RPS20: variants seen among roughly 807,000 people sequenced by gnomAD.
The protein encoded by RPS20 is small ribosomal subunit protein uS10.
RPS20 carries 3 observed loss-of-function variants against 15.3 expected under a neutral mutation model. That is an observed-to-expected ratio of 0.20 (90% CI 0.09 to 0.51). The LOEUF (loss-of-function observed/expected upper bound fraction) is 0.51. Ranked by LOEUF, RPS20 falls within the 20% of genes least tolerant of loss-of-function variation. The pLI is 0.96. For synonymous variants in RPS20, 62 were observed against 47.8 expected, an observed-to-expected ratio of 1.30 and a Z score of -1.23; for missense variants, 67 against 145.9, an observed-to-expected ratio of 0.46 and a Z score of 2.79.
downstream of RPS20, chr8:56,072,881 G>T: frequency 3.9e-6 from 5 of 1,294,690 alleles, no homozygotes; most frequent in Non-Finnish European, 4.9e-6. Flanking sequence ...AACCAGTCAG[G>T]TCTCACATAT....
At chr8:56,069,056 TTTAAG>T (rs1226194677), downstream of RPS20, among the ~76,000 whole-genome samples, 1 of 151,498 alleles carries the variant, frequency 6.6e-6, no homozygotes, top group African/African-American at 2.4e-5. Flanking sequence ...GTGAGTTCTT[TTTAAG>T]TTAATGAAGA....
intron 2 of RPS20, 128 bp downstream of exon 2, chr8:56,073,932 A>C (rs562602087): frequency 9.0e-7 from 1 of 1,112,834 alleles, no homozygotes; most frequent in Non-Finnish European, 1.4e-6. Flanking sequence ...ATTTTAAGCC[A>C]CGCTTTACTT....
chr8:56,073,415 G>T, intron 3 of RPS20, 143 bp from the exon 4 acceptor site: 1 of 686,476 alleles, frequency 1.5e-6, no homozygotes, highest in Non-Finnish European at 2.5e-6. Flanking sequence ...CAGGTACCAT[G>T]GGTTGAAAAT....
At chr8:56,070,057 G>A (rs1809708851), downstream of RPS20, among the ~76,000 whole-genome samples, 1 of 152,078 alleles carries the variant, frequency 6.6e-6, no homozygotes, top group Non-Finnish European at 1.5e-5. Flanking sequence ...CTCAATTTTG[G>A]TATTCAAGAG....
downstream of RPS20, among the ~76,000 whole-genome samples, chr8:56,070,084 C>A (rs1042165881): frequency 2.0e-5 from 3 of 152,080 alleles, no homozygotes; most frequent in African/African-American, 7.2e-5. Flanking sequence ...TGAACTGATC[C>A]CCCACAGATA....
At chr8:56,071,239 G>A (rs1809746375), downstream of RPS20, among the ~76,000 whole-genome samples, 1 of 152,094 alleles carries the variant, frequency 6.6e-6, no homozygotes, top group Non-Finnish European at 1.5e-5. Context: ...ATGTTCTCTG[G>A]ACTTTAGTGA....
At chr8:56,072,593 T>C (rs1324751729), downstream of RPS20, among the ~76,000 whole-genome samples, 3 of 143,058 alleles carry the variant, frequency 2.1e-5, no homozygotes, top group Admixed American at 6.8e-5. Flanking sequence ...ATTTAAAATA[T>C]AAAACACTGA....
intron 1 of RPS20, 38 bp downstream of exon 1, chr8:56,074,343 C>A (rs1418633038): frequency 1.3e-6 from 2 of 1,549,270 alleles, no homozygotes; most frequent in Non-Finnish European, 1.7e-6. Flanking sequence ...GGCGCCCGAG[C>A]CCTGCGTTGC....
downstream of RPS20, among the ~76,000 whole-genome samples, chr8:56,070,574 A>G (rs1046721343): frequency 1.4e-5 from 2 of 148,134 alleles, no homozygotes; most frequent in Admixed American, 1.3e-4. Context: ...CATCTCCACA[A>G]AAAAAGCCAG....
chr8:56,072,210 G>A (rs1387907273), downstream of RPS20, among the ~76,000 whole-genome samples: 1 of 152,142 alleles, frequency 6.6e-6, no homozygotes, highest in African/African-American at 2.4e-5. Context: ...CTGGACTGCA[G>A]AGACCCTGTC....
chr8:56,069,853 A>C (rs1215224315), downstream of RPS20: 1 of 1,341,970 alleles, frequency 7.5e-7, no homozygotes, highest in South Asian at 1.3e-5. Flanking sequence ...AAAAGTATTC[A>C]GAAAAAAAAT....
At chr8:56,073,593 G>A (rs952021170) in intron 3 of RPS20, 102 bp downstream of exon 3, 14 of 900,138 alleles carry the variant, frequency 1.6e-5, no homozygotes, top group South Asian at 1.3e-4. Context: ...TTTGTAGACA[G>A]CATCAGTGTT....
At chr8:56,070,715 C>A (rs916335942), downstream of RPS20, among the ~76,000 whole-genome samples, 1 of 146,872 alleles carries the variant, frequency 6.8e-6, no homozygotes, top group African/African-American at 2.5e-5. Flanking sequence ...GGTGACACAG[C>A]GAGACTGTTT....
chr8:56,073,570 A>G (rs1809832114), intron 3 of RPS20, 125 bp downstream of exon 3: 2 of 794,854 alleles, frequency 2.5e-6, no homozygotes, highest in East Asian at 2.4e-5. Flanking sequence ...TCTACCACCG[A>G]TTTCTATGTG....
intron 2 of RPS20, 108 bp from the exon 3 acceptor site, chr8:56,073,876 A>G (rs1418111867): frequency 1.7e-6 from 2 of 1,156,422 alleles, no homozygotes; most frequent in Admixed American, 3.4e-5. Context: ...CCGTTACTCA[A>G]CACAATAGGT....
At position 56,074,495 on chromosome 8, in the gene RPS20, T is replaced by C. The variant is rs775798774; in HGVS notation, c.-112A>G. 1.6e-5 allele frequency: 20 copies of C among 1,228,994 alleles called. No homozygotes were observed. In the South Asian group the frequency reaches 2.5e-4, roughly 15 times the overall value. The allele number at this position is 1,228,994 out of a possible 1,614,324, so 76.1% of individuals were successfully genotyped here. ...AATCCTCAGCCCTTACGACCGCGTCTTCCTCAAAAAGAAAGGGGTGGGACT... is the reference window on the plus strand; with the variant it reads ...AATCCTCAGCCCTTACGACCGCGTCCTCCTCAAAAAGAAAGGGGTGGGACT... On this transcript the variant is annotated 5_prime_UTR_variant, in exon 1 of 4. Transcript: ENST00000009589.
intron 3 of RPS20, 168 bp downstream of exon 3, chr8:56,073,527 A>G: frequency 1.5e-6 from 1 of 670,358 alleles, no homozygotes; most frequent in East Asian, 2.6e-5. Context: ...CAACAATCAT[A>G]TCTAAACATT....
downstream of RPS20, among the ~76,000 whole-genome samples, chr8:56,071,353 C>T (rs557649634): frequency 3.9e-5 from 6 of 152,246 alleles, no homozygotes; most frequent in East Asian, 9.6e-4. Context: ...CTGGGGGCCA[C>T]GTATTGATAG....
chr8:56,071,338 T>C (rs1325436120), downstream of RPS20, among the ~76,000 whole-genome samples: 1 of 152,254 alleles, frequency 6.6e-6, no homozygotes, highest in East Asian at 1.9e-4. Context: ...TTCATAGGTA[T>C]TTGTCTGGGG....
Sources: allele counts gnomAD v4.1 joint callset (sites outside exome capture counted in the v4.1 genomes callset), GRCh38; gene constraint gnomAD v4.1.1; transcripts MANE v1.5; gene names NCBI Gene and HGNC (gene_info 2026-07-23, HGNC 2026-07-21).